Variants in ANKHD1 observed in about 807,000 individuals in gnomAD.
ANKHD1 encodes the protein ankyrin repeat and KH domain-containing protein 1.
In ANKHD1, 31 loss-of-function variants were observed where a neutral mutation model predicts 230.5. That is an observed-to-expected ratio of 0.13 (90% CI 0.10 to 0.18). The LOEUF is 0.18. Among genes scored for constraint, ANKHD1 ranks in the 10% least tolerant of loss-of-function variants. ANKHD1 has a pLI of 1.00. For synonymous variants in ANKHD1, 1,074 were observed against 1,117.6 expected, an observed-to-expected ratio of 0.96 and a Z score of 0.78; for missense variants, 2,256 against 3,071.3, an observed-to-expected ratio of 0.73 and a Z score of 6.27.
At chr5:140,424,284 T>C (rs1433791369) in intron 1 of ANKHD1, among the ~76,000 whole-genome samples, 7 of 151,960 alleles carry the variant, frequency 4.6e-5, no homozygotes, top group Non-Finnish European at 2.9e-5. Flanking sequence ...CATCTATATA[T>C]ACACACACGC....
intron 10 of ANKHD1, 64 bp from the exon 11 acceptor site, chr5:140,482,516 T>C (rs1751329500): frequency 1.3e-6 from 2 of 1,563,408 alleles, no homozygotes; most frequent in Non-Finnish European, 1.7e-6. Context: ...TCATCAGTAC[T>C]GTTTTTAAAA....
In ANKHD1 at chr5:140,496,233, C is replaced by G. The variant is rs1292935069; in HGVS notation, c.2246-287C>G. On this transcript the variant is annotated intron_variant, in intron 14 of 33. Transcript: ENST00000360839. ...TGGTTTTCCTTTTCCCCGCCCCTGA[C>G]TTAATTTCCAAAATCCTCCTATCCT... 3.3e-5 allele frequency among the ~76,000 whole-genome samples: 5 copies of G among 152,152 alleles called. No individual in the cohort carries two copies. In the East Asian group the frequency reaches 9.7e-4, roughly 30 times the overall value.
chr5:140,463,869 G>A (rs1163805572), intron 9 of ANKHD1, among the ~76,000 whole-genome samples: 4 of 151,880 alleles, frequency 2.6e-5, no homozygotes, highest in East Asian at 1.9e-4. Context: ...GTTTCACCAC[G>A]TTGCCCAGGC....
chr5:140,402,136 GGCAGCA>G lies in ANKHD1; in HGVS notation c.172_177del (p.Ser58_Ser59del), dbSNP rs754392143. ...GGAGGCCGGGCCAGCGTCGGGAGTC[GGCAGCA>G]GCGGCGGCGGCGGCAGCGGCAGCGG... On this transcript the variant is annotated inframe_deletion, in exon 1 of 34. Coordinates refer to ENST00000360839, the MANE Select transcript of ANKHD1 (RefSeq NM_017747.3). 1 of 1,545,252 alleles carries G rather than the reference GGCAGCA, an allele frequency of 6.5e-7. No homozygotes were observed. Among genetic ancestry groups the G allele is most frequent in the Admixed American group, 1.9e-5 (1 of 51,730 alleles).
chr5:140,537,290 A>G (rs183032959), intron 30 of ANKHD1, 99 bp from the exon 31 acceptor site: 5 of 1,484,294 alleles, frequency 3.4e-6, no homozygotes, highest in African/African-American at 2.8e-5. Context: ...TCATATTCTT[A>G]TAGTTTTTTA....
chr5:140,455,206 A>G (rs1775076213), intron 7 of ANKHD1, among the ~76,000 whole-genome samples: 1 of 152,226 alleles, frequency 6.6e-6, no homozygotes, highest in South Asian at 2.1e-4. Flanking sequence ...AGGCTCTGAA[A>G]TTGAGGCAAT....
intron 15 of ANKHD1, among the ~76,000 whole-genome samples, chr5:140,504,097 G>A (rs1388440611): frequency 6.8e-6 from 1 of 146,118 alleles, no homozygotes; most frequent in Non-Finnish European, 1.5e-5. Context: ...CTGTCACCCA[G>A]GCTGGAGGGC....
At chr5:140,476,940 G>C (rs1439500867) in intron 10 of ANKHD1, among the ~76,000 whole-genome samples, 3 of 152,064 alleles carry the variant, frequency 2.0e-5, no homozygotes, top group African/African-American at 7.2e-5. Flanking sequence ...AGGAGGAGAA[G>C]GTACTGAATA....
At position 140,436,190 on chromosome 5, in the gene ANKHD1, A is replaced by G; in HGVS notation, c.393A>G (p.Glu131=). The change falls in exon 2 of 34, where the codon GAA becomes GAG. Residue 131 remains glutamate (E), a synonymous_variant. Coordinates refer to ENST00000360839, the MANE Select transcript of ANKHD1 (RefSeq NM_017747.3). ...AGATATTCTTATCAAGTACTGCAGA[A>G]GGAGCAGACTTACGCACTGTGGATC... is the stretch of plus-strand genomic sequence containing the variant. ...TSEIFLSSTA[E]GADLRTVDPE... 1.9e-6 allele frequency: 3 copies of G among 1,611,304 alleles called. No individual in the cohort carries two copies. The highest frequency in any genetic ancestry group is 2.5e-6 in the Non-Finnish European group (3 of 1,178,736).
chr5:140,539,012 A>C lies in ANKHD1; in HGVS notation c.7498A>C (p.Asn2500His). 1 of 1,613,448 alleles carries C rather than the reference A, an allele frequency of 6.2e-7. No individual in the cohort carries two copies. The highest frequency in any genetic ancestry group is 8.5e-7 in the Non-Finnish European group (1 of 1,179,724). Residue 2500 changes from asparagine to histidine, a missense_variant, in exon 33 of 34, where the codon AAT becomes CAT. By Grantham distance (68) the Asn-to-His change is moderately conservative. Around this residue, in one of 13 missense-constraint regions of ANKHD1, gnomAD observed 778 missense variants for 966.5 expected, o/e 0.80. Transcript: ENST00000360839. ...PGGPLFNGLH[N>H]PDPAWNPMIK... is the part of the protein sequence containing the mutation. ...AGGCCCTCTGTTTAATGGACTTCAC[A>C]ATCCAGATCCTGCTTGGAACCCTAT...
intron 1 of ANKHD1, among the ~76,000 whole-genome samples, chr5:140,427,330 C>G (rs1772542766): frequency 7.0e-6 from 1 of 142,642 alleles, no homozygotes; most frequent in Non-Finnish European, 1.5e-5. Context: ...GGGCCGACCC[C>G]CCCACCTCCC....
At chr5:140,427,786 C>T (rs1420805561) in intron 1 of ANKHD1, among the ~76,000 whole-genome samples, 2 of 151,376 alleles carry the variant, frequency 1.3e-5, no homozygotes, top group African/African-American at 4.9e-5. Flanking sequence ...GATCCCCCCA[C>T]CTCCCTCCCG....
chr5:140,457,107 T>C (rs1775254273), intron 7 of ANKHD1, among the ~76,000 whole-genome samples: 2 of 152,150 alleles, frequency 1.3e-5, no homozygotes, highest in African/African-American at 4.8e-5. Flanking sequence ...GAAAAAATGC[T>C]CCTCATCACT....
At chr5:140,449,162 T>C (rs779088610) in intron 6 of ANKHD1, 49 bp from the exon 7 acceptor site, 2 of 1,534,482 alleles carry the variant, frequency 1.3e-6, no homozygotes, top group Non-Finnish European at 1.8e-6. Flanking sequence ...AATATTTAAA[T>C]ATTAAACTGA....
chr5:140,444,078 G>GCC (rs1774080416), intron 5 of ANKHD1, among the ~76,000 whole-genome samples: 5 of 110,580 alleles, frequency 4.5e-5, no homozygotes, highest in African/African-American at 1.8e-4. Context: ...TTGAGATGAA[G>GCC]TCCCCCCCCC....
At chr5:140,495,299 G>A (rs1751979151) in intron 14 of ANKHD1, among the ~76,000 whole-genome samples, 1 of 147,788 alleles carries the variant, frequency 6.8e-6, no homozygotes, top group Non-Finnish European at 1.5e-5. Context: ...AGGCTGGAGT[G>A]CAGTGGCGCA....
intron 2 of ANKHD1, among the ~76,000 whole-genome samples, chr5:140,437,009 C>T (rs2126912607): frequency 6.6e-6 from 1 of 152,054 alleles, no homozygotes; most frequent in South Asian, 2.1e-4. Context: ...ATAACAAAAC[C>T]TTCCCGTTTT....
At chr5:140,493,712 A>T (rs1028668812) in intron 14 of ANKHD1, among the ~76,000 whole-genome samples, 25 of 152,112 alleles carry the variant, frequency 1.6e-4, no homozygotes, top group Admixed American at 1.4e-3. Context: ...ACCACTTTTT[A>T]TGCATCATTT....
At position 140,537,377 on chromosome 5, in the gene ANKHD1, C is replaced by T. The variant is rs1231625361; in HGVS notation, c.7028-12C>T. On this transcript the variant is annotated splice_polypyrimidine_tract_variant and intron_variant, in intron 30 of 33. Coordinates refer to ENST00000360839, the MANE Select transcript of ANKHD1 (RefSeq NM_017747.3). The stretch of plus-strand genomic sequence containing the variant: ...CCATCTGTTTCTTCGGGATCATCTT[C>T]ACCTCTTTCAGCCACTTCTGCCCCA... The T allele has an allele frequency of 6.2e-7, 1 of 1,613,364 alleles. No homozygotes were observed. The highest frequency in any genetic ancestry group is 2.2e-5 in the East Asian group (1 of 44,892).
Sources: allele counts gnomAD v4.1 joint callset (sites outside exome capture counted in the v4.1 genomes callset), GRCh38; gene constraint gnomAD v4.1.1; regional missense constraint gnomAD v4.1.1; transcripts MANE v1.5; gene names NCBI Gene and HGNC (gene_info 2026-07-23, HGNC 2026-07-21).